Variants in SVIL observed in about 807,000 individuals in gnomAD.
SVIL encodes the protein supervillin.
A neutral mutation model predicts 240.4 loss-of-function variants in SVIL; 101 were observed. The ratio of observed to expected loss-of-function variants is 0.42; its 90% CI spans 0.36 to 0.50. The LOEUF is 0.50. Among genes scored for constraint, SVIL ranks in the 20% least tolerant of loss-of-function variants. SVIL has a pLI of 0.01. For synonymous variants in SVIL, 999 were observed against 1,100.0 expected (o/e 0.91, Z 1.82); for missense variants, 2,512 against 2,818.7 (o/e 0.89, Z 2.46).
chr10:29,599,840 G>A (rs1209794407), intron 1 of SVIL, among the ~76,000 whole-genome samples: 1 of 152,090 alleles, frequency 6.6e-6, no homozygotes, highest in Non-Finnish European at 1.5e-5. Context: ...AAATGTGGAA[G>A]ATGTTCATCA....
chr10:29,686,056 T>G (rs1345480397), intron 2 of SVIL, among the ~76,000 whole-genome samples: 2 of 152,196 alleles, frequency 1.3e-5, no homozygotes, highest in African/African-American at 4.8e-5. Context: ...CCTAACAAAG[T>G]AGATCAATAT....
chr10:29,676,796 T>C (rs1589496209), intron 2 of SVIL, among the ~76,000 whole-genome samples: 1 of 152,214 alleles, frequency 6.6e-6, no homozygotes, highest in Non-Finnish European at 1.5e-5. Context: ...TTGCCTAGGA[T>C]GTAACGCCCA....
rs1377093764 is a variant in SVIL, at chr10:29,697,127, G to A, written c.-399-10476C>T. On this transcript the variant is annotated intron_variant, in intron 1 of 35. Transcript: ENST00000375400. Reference sequence around the variant, plus strand: ...GCCCCTCTGCCCGGCCAGCCGCTCCGTCCGGGAGGGAGGTGGGGGGGGTCA... The same window carrying A: ...GCCCCTCTGCCCGGCCAGCCGCTCCATCCGGGAGGGAGGTGGGGGGGGTCA... 2.7e-5 allele frequency among the ~76,000 whole-genome samples: 3 copies of A among 109,126 alleles called. 1 individual carries two copies. The highest frequency in any genetic ancestry group is 6.7e-4 in the East Asian group (2 of 3,004). 71.6% of individuals were successfully genotyped at this position (109,126 alleles called of 152,430 possible). A position where few individuals can be genotyped will look rare whatever the true frequency, so the allele number is the denominator to read the frequency against.
At chr10:29,645,749 T>G (rs1213370526) in intron 3 of SVIL, among the ~76,000 whole-genome samples, 1 of 152,172 alleles carries the variant, frequency 6.6e-6, no homozygotes, top group Non-Finnish European at 1.5e-5. Context: ...AGATAACCCT[T>G]TGAAGACCCT....
rs1311473762 is a variant in SVIL, at chr10:29,486,942, C to T, written c.4485+221G>A. 2.6e-5 allele frequency among the ~76,000 whole-genome samples: 4 copies of T among 152,106 alleles called. No individual in the cohort carries two copies. In the East Asian group the frequency reaches 7.7e-4, roughly 29 times the overall value. On this transcript the variant is annotated intron_variant, in intron 24 of 37. Transcript: ENST00000355867. ...CACAGGAGTAGGAAGGAACCCAGGACCTAAACACTGGGGTGTAGGTCATAG... is the reference window on the plus strand; with the variant it reads ...CACAGGAGTAGGAAGGAACCCAGGATCTAAACACTGGGGTGTAGGTCATAG...
chr10:29,534,303 G>C (rs1365183160), intron 7 of SVIL, among the ~76,000 whole-genome samples: 2 of 152,162 alleles, frequency 1.3e-5, no homozygotes, highest in African/African-American at 2.4e-5. Context: ...AGGAGTTTGA[G>C]ACCAGTTTGG....
At chr10:29,465,495 G>T in intron 34 of SVIL, 100 bp downstream of exon 34, 1 of 1,428,060 alleles carries the variant, frequency 7.0e-7, no homozygotes, top group Non-Finnish European at 9.4e-7. Flanking sequence ...AATGTACTTG[G>T]CAAACAGAAG....
intron 2 of SVIL, among the ~76,000 whole-genome samples, chr10:29,565,593 C>T (rs1467694832): frequency 6.6e-6 from 1 of 152,184 alleles, no homozygotes; most frequent in Non-Finnish European, 1.5e-5. Flanking sequence ...AACCCACTGC[C>T]TATTGTGACC....
intron 1 of SVIL, among the ~76,000 whole-genome samples, chr10:29,583,553 G>T (rs2132770941): frequency 6.6e-6 from 1 of 152,204 alleles, no homozygotes; most frequent in Non-Finnish European, 1.5e-5. Context: ...TCCCACCTCG[G>T]CCTCCTAGAG....
chr10:29,561,077 T>G (rs1371243302), intron 3 of SVIL, among the ~76,000 whole-genome samples: 2 of 149,694 alleles, frequency 1.3e-5, no homozygotes, highest in African/African-American at 4.9e-5. Flanking sequence ...TGCCTTGGCC[T>G]CCCAAAGTGC....
rs149328507 is a variant in SVIL at position 29,599,196 on chromosome 10, G to A, written c.-200-29884C>T. ...AGGACTATCTCATCCCTGCAATCACGAGTCTGGGCAAGTAAGAGATGAGAG... is the reference window on the plus strand; with the variant it reads ...AGGACTATCTCATCCCTGCAATCACAAGTCTGGGCAAGTAAGAGATGAGAG... On this transcript the variant is annotated intron_variant, in intron 1 of 37. Coordinates refer to ENST00000355867, the MANE Select transcript of SVIL (RefSeq NM_021738.3). Among the ~76,000 whole-genome samples, 758 of 152,248 alleles carry A rather than the reference G, an allele frequency of 5.0e-3. 19 individuals are homozygous for A. In the South Asian group the frequency reaches 0.09, roughly 18 times the overall value.
intron 2 of SVIL, among the ~76,000 whole-genome samples, chr10:29,678,425 C>T (rs1030277209): frequency 6.6e-6 from 1 of 152,102 alleles, no homozygotes; most frequent in East Asian, 1.9e-4. Context: ...GCTGATCCGA[C>T]AGGAGGCGGA....
chr10:29,532,898 T>C lies in SVIL; in HGVS notation c.1469A>G (p.Gln490Arg), dbSNP rs751046083. Residue 490 changes from glutamine to arginine, a missense_variant, in exon 8 of 38, where the codon CAG (glutamine) becomes CGG (arginine). Physicochemically the swap from Gln to Arg is conservative, Grantham distance 43. Coordinates refer to ENST00000355867, the MANE Select transcript of SVIL (RefSeq NM_021738.3). The stretch of plus-strand genomic sequence containing the variant: ...TTGTGCCACGTTTTCCAGTTCCTTC[T>C]GATGCTCTAAGGTGACTGTGCTCAC... ...PAVSTVTLEH[Q>R]KELENVAQPP... 3 of 1,614,156 alleles carry C rather than the reference T, an allele frequency of 1.9e-6. No homozygotes were observed. Among genetic ancestry groups the C allele is most frequent in the Middle Eastern group, 1.6e-4 (1 of 6,062 alleles).
chr10:29,503,125 G>A (rs542282692), intron 17 of SVIL, among the ~76,000 whole-genome samples: 3 of 152,294 alleles, frequency 2.0e-5, no homozygotes, highest in African/African-American at 7.2e-5. Flanking sequence ...AAGGAACAAA[G>A]TTGTACTTTT....
chr10:29,537,425 T>A (rs1042463684), intron 6 of SVIL, among the ~76,000 whole-genome samples: 1 of 152,114 alleles, frequency 6.6e-6, no homozygotes, highest in African/African-American at 2.4e-5. Context: ...TATGAACGAG[T>A]AATTATACCA....
chr10:29,582,339 G>T (rs965213846), intron 1 of SVIL, among the ~76,000 whole-genome samples: 1 of 152,160 alleles, frequency 6.6e-6, no homozygotes, highest in African/African-American at 2.4e-5. Flanking sequence ...GCACATGGCC[G>T]GCCCACCACT....
intron 17 of SVIL, among the ~76,000 whole-genome samples, chr10:29,509,330 G>GGAGGGGGAGAGAGA (rs1323408870): frequency 3.0e-5 from 2 of 66,880 alleles, no homozygotes; most frequent in Admixed American, 3.9e-4. Context: ...GGAGGGGGAG[G>GGAGGGGGAGAGAGA]GAGAGAGAGA....
At chr10:29,644,681 A>G (rs909920487) in intron 3 of SVIL, among the ~76,000 whole-genome samples, 2 of 152,190 alleles carry the variant, frequency 1.3e-5, no homozygotes, top group Non-Finnish European at 2.9e-5. Context: ...AAAGAAAGAA[A>G]GAAAGAAAGA....
At chr10:29,511,466 G>A (rs562706549) in intron 17 of SVIL, among the ~76,000 whole-genome samples, 7 of 150,666 alleles carry the variant, frequency 4.6e-5, no homozygotes, top group African/African-American at 1.7e-4. Context: ...TAGTTGGCAG[G>A]TTTGCTAATG....
Sources: allele counts gnomAD v4.1 joint callset (sites outside exome capture counted in the v4.1 genomes callset), GRCh38; gene constraint gnomAD v4.1.1; transcripts MANE v1.5; gene names NCBI Gene and HGNC (gene_info 2026-07-23, HGNC 2026-07-21).